The following ARSJ variants were observed in gnomAD, a reference collection of about 807,000 sequenced individuals.
The protein encoded by ARSJ is arylsulfatase J.
A neutral mutation model predicts 35.9 loss-of-function variants in ARSJ; 26 were observed. The ratio of observed to expected loss-of-function variants is 0.72; its 90% CI spans 0.53 to 1.00. The LOEUF (loss-of-function observed/expected upper bound fraction) is 1.00, where lower values mean the gene tolerates loss of function less well. Among genes scored for constraint, ARSJ ranks in the 50% least tolerant of loss-of-function variants. ARSJ has a pLI of 0.00. For missense variants in ARSJ, 667 were observed against 723.6 expected, an observed-to-expected ratio of 0.92 and a Z score of 0.90; for synonymous variants, 294 against 267.6, an observed-to-expected ratio of 1.10 and a Z score of -0.96.
intron 1 of ARSJ, among the ~76,000 whole-genome samples, chr4:113,926,880 C>T (rs1724104050): frequency 6.6e-6 from 1 of 152,098 alleles, no homozygotes; most frequent in Non-Finnish European, 1.5e-5. Context: ...GGTCCTGCTC[C>T]AAAATCCTAG....
At chr4:113,976,302 GT>G (rs796602670) in intron 1 of ARSJ, among the ~76,000 whole-genome samples, 161 of 151,240 alleles carry the variant, frequency 1.1e-3, no homozygotes, top group Non-Finnish European at 1.6e-3. Context: ...GTTCATTTCA[GT>G]TTTTTTTTAT....
chr4:113,942,472 T>A (rs1725217273), intron 1 of ARSJ, among the ~76,000 whole-genome samples: 1 of 152,042 alleles, frequency 6.6e-6, no homozygotes, highest in Admixed American at 6.6e-5. Context: ...CTGTTCCAAA[T>A]AAACTCCAAA....
chr4:113,971,880 T>C (rs1727271355), intron 1 of ARSJ, among the ~76,000 whole-genome samples: 1 of 152,184 alleles, frequency 6.6e-6, no homozygotes, highest in South Asian at 2.1e-4. Flanking sequence ...ATGTTTACAA[T>C]AAGCTGATGG....
rs117224880 is a variant in ARSJ, at chr4:113,935,537, T to C, written c.399-31862A>G. On this transcript the variant is annotated intron_variant, in intron 1 of 1. Transcript: ENST00000315366. ...ACTATACAGAAAAATAAGGAAAGGGTTCATGTCATGAGGCTTATAAGTTAG... is the reference window on the plus strand; with the variant it reads ...ACTATACAGAAAAATAAGGAAAGGGCTCATGTCATGAGGCTTATAAGTTAG... 3.6e-4 allele frequency among the ~76,000 whole-genome samples: 54 copies of C among 152,012 alleles called. 2 individuals carry two copies. The East Asian group carries it at 7.7e-3, about 22-fold the overall frequency.
At chr4:113,908,973 T>C (rs181799202) in intron 1 of ARSJ, among the ~76,000 whole-genome samples, 165 of 152,110 alleles carry the variant, frequency 1.1e-3, no homozygotes, top group Non-Finnish European at 2.0e-3. Flanking sequence ...CTTCTAATTG[T>C]TTAGAAGAGA....
intron 1 of ARSJ, among the ~76,000 whole-genome samples, chr4:113,938,336 A>G (rs1724903768): frequency 6.6e-6 from 1 of 152,118 alleles, no homozygotes; most frequent in South Asian, 2.1e-4. Flanking sequence ...GCTAGGCCAT[A>G]TGCAGAAAAT....
At chr4:113,927,329 C>T (rs1724134530) in intron 1 of ARSJ, among the ~76,000 whole-genome samples, 1 of 152,156 alleles carries the variant, frequency 6.6e-6, no homozygotes, top group African/African-American at 2.4e-5. Context: ...ATTTATTTCC[C>T]ATCATCTGAC....
rs998653365 is a variant in ARSJ, at chr4:113,901,024, A to G, written c.*1250T>C. On this transcript the variant is annotated 3_prime_UTR_variant, in exon 2 of 2. Coordinates refer to ENST00000315366, the MANE Select transcript of ARSJ (RefSeq NM_024590.4). The stretch of plus-strand genomic sequence containing the variant: ...TTATGGGAAAATCTTTCTCCATGTC[A>G]TAGCCAAGGGGAAGCATCTATCTGT... 4 of 152,180 alleles carry G rather than the reference A, an allele frequency of 2.6e-5. No homozygotes were observed. The highest frequency in any genetic ancestry group is 5.9e-5 in the Non-Finnish European group (4 of 68,028). 9.4% of individuals were successfully genotyped at this position (152,180 alleles called of 1,614,324 possible).
At chr4:113,910,295 C>T (rs1463576148) in intron 1 of ARSJ, among the ~76,000 whole-genome samples, 1 of 152,118 alleles carries the variant, frequency 6.6e-6, no homozygotes. Context: ...TCTATGAATT[C>T]TTCTTTGTCT....
intron 1 of ARSJ, among the ~76,000 whole-genome samples, chr4:113,914,770 CAT>C (rs781489387): frequency 7.9e-5 from 12 of 152,064 alleles, no homozygotes; most frequent in Non-Finnish European, 4.4e-5. Flanking sequence ...TGCGGAGAAA[CAT>C]AAAGAATAGT....
chr4:113,939,175 C>T (rs866505294), intron 1 of ARSJ, among the ~76,000 whole-genome samples: 6 of 147,660 alleles, frequency 4.1e-5, no homozygotes, highest in Admixed American at 6.9e-5. Context: ...GGTTTTTTGT[C>T]CTTGCGATAG....
chr4:113,920,064 A>G (rs1253369364), intron 1 of ARSJ, among the ~76,000 whole-genome samples: 2 of 152,162 alleles, frequency 1.3e-5, no homozygotes, highest in South Asian at 4.1e-4. Context: ...AATAGGGGAC[A>G]GATTAATATT....
In ARSJ at chr4:113,902,604, G is replaced by T. The variant is rs770539164; in HGVS notation, c.1470C>A (p.Gly490=). 6.2e-7 allele frequency: 1 copy of T among 1,614,126 alleles called. No individual in the cohort carries two copies. The highest frequency in any genetic ancestry group is 8.5e-7 in the Non-Finnish European group (1 of 1,180,034). Residue 490 remains glycine, a synonymous_variant, in exon 2 of 2, where the codon GGC becomes GGA. Transcript: ENST00000315366. ...WHNERITLST[G]KSVWLFNITA... ...TGATGTTGAAAAGCCATACACTTTT[G>T]CCAGTTGACAAGGTGATCCGTTCAT...
intron 1 of ARSJ, among the ~76,000 whole-genome samples, chr4:113,973,337 A>G (rs17046686): frequency 0.024 from 3,613 of 152,278 alleles, 154 homozygotes; most frequent in African/African-American, 0.082. Context: ...TCTCATTTCA[A>G]TGACATCCAG....
rs1451625956 is a variant in ARSJ at position 113,907,523 on chromosome 4, A to G, written c.399-3848T>C. Among the ~76,000 whole-genome samples the G allele has an allele frequency of 3.1e-5, 3 of 98,002 alleles. No homozygotes were observed. The East Asian group carries it at 7.7e-4, about 25-fold the overall frequency. The allele number at this position is 98,002 out of a possible 152,430, so 64.3% of individuals were successfully genotyped here. On this transcript the variant is annotated intron_variant, in intron 1 of 1. Coordinates refer to ENST00000315366, the MANE Select transcript of ARSJ (RefSeq NM_024590.4). ...ACACTTTAATGAAAGTGAATATAAT[A>G]TGAAAATTTTTTTTACTGATATGCT... is the stretch of plus-strand genomic sequence containing the variant.
At chr4:113,914,864 A>T (rs1415362314) in intron 1 of ARSJ, among the ~76,000 whole-genome samples, 1 of 152,248 alleles carries the variant, frequency 6.6e-6, no homozygotes, top group Admixed American at 6.5e-5. Context: ...TATGATTTAG[A>T]GAAAGCTGAG....
At chr4:113,912,329 G>A (rs963816822) in intron 1 of ARSJ, among the ~76,000 whole-genome samples, 1 of 152,172 alleles carries the variant, frequency 6.6e-6, no homozygotes, top group Non-Finnish European at 1.5e-5. Flanking sequence ...GAGAAGCCAG[G>A]AAAAGTGAGA....
chr4:113,927,416 A>G (rs1372305316), intron 1 of ARSJ, among the ~76,000 whole-genome samples: 3 of 152,210 alleles, frequency 2.0e-5, no homozygotes, highest in South Asian at 4.1e-4. Context: ...AATGTCTTCA[A>G]TGTAATGGAC....
rs181598203 is a variant in ARSJ, at chr4:113,903,554, C to T, written c.520G>A (p.Val174Ile). 71 of 1,614,162 alleles carry T rather than the reference C, an allele frequency of 4.4e-5. 1 individual carries two copies. The African/African-American group carries it at 8.3e-4, about 19-fold the overall frequency. Residue 174 changes from valine to isoleucine, a missense_variant, in exon 2 of 2, where the codon GTC becomes ATC. By Grantham distance (29) the Val-to-Ile change is conservative. Transcript: ENST00000315366. ...TAAAAACCCAAGTGCCATTTTCCGA[C>T]CATATGCGTTGAATATCCAACCTCC... ...LKEVGYSTHM[V>I]GKWHLGFYRK...
Sources: gnomAD v4.1 joint callset for allele counts (sites outside exome capture counted in the v4.1 genomes callset) on GRCh38, gnomAD v4.1.1 for gene constraint, MANE v1.5 for transcripts, NCBI Gene and HGNC (gene_info 2026-07-23, HGNC 2026-07-21) for gene names.